Variants in BTG4 observed in about 807,000 individuals in gnomAD.
The protein encoded by BTG4 is BTG anti-proliferation factor 4, also known as protein BTG4.
BTG4 carries 10 observed loss-of-function variants against 19.3 expected under a neutral mutation model. The ratio of observed to expected loss-of-function variants is 0.52; its 90% CI spans 0.32 to 0.88. The LOEUF (loss-of-function observed/expected upper bound fraction) is 0.88, where lower values mean the gene tolerates loss of function less well. BTG4 is among the 40% of genes least tolerant of loss of function. The pLI, the probability that BTG4 is intolerant of heterozygous loss-of-function variation, is 0.04. For synonymous variants in BTG4, 91 were observed against 95.7 expected, an observed-to-expected ratio of 0.95 and a Z score of 0.29; for missense variants, 238 against 281.9, an observed-to-expected ratio of 0.84 and a Z score of 1.11.
At chr11:111,477,806 G>T (rs912666966) in intron 5 of BTG4, among the ~76,000 whole-genome samples, 1 of 152,008 alleles carries the variant, frequency 6.6e-6, no homozygotes, top group Non-Finnish European at 1.5e-5. Context: ...AAGGGACAGC[G>T]CAGCAAAAAA....
intron 2 of BTG4, 95 bp downstream of exon 2, chr11:111,498,509 C>T: frequency 8.8e-7 from 1 of 1,141,626 alleles, no homozygotes; most frequent in Non-Finnish European, 1.3e-6. Context: ...ACTTTTGTTA[C>T]TTATATGCAG....
chr11:111,418,825 C>T, the BTG4 span, among the ~76,000 whole-genome samples: 7 of 152,194 alleles, frequency 4.6e-5, no homozygotes, highest in Admixed American at 1.3e-4. Flanking sequence ...CTCTCTGCCA[C>T]GTCTGCAGGA....
the BTG4 span, among the ~76,000 whole-genome samples, chr11:111,389,437 C>T: frequency 6.6e-6 from 1 of 152,192 alleles, no homozygotes; most frequent in Non-Finnish European, 1.5e-5. Context: ...CTACCTGAGG[C>T]ATTTGTTGGC....
chr11:111,497,524 T>C, intron 3 of BTG4, 115 bp from the exon 4 acceptor site: 1 of 625,780 alleles, frequency 1.6e-6, no homozygotes, highest in Non-Finnish European at 2.4e-6. Flanking sequence ...CTTAAAAAAT[T>C]GAAGGACATT....
At chr11:111,443,999 G>A in the BTG4 span, among the ~76,000 whole-genome samples, 3 of 152,224 alleles carry the variant, frequency 2.0e-5, no homozygotes, top group African/African-American at 7.2e-5. Flanking sequence ...AACGATGCCT[G>A]CTTTGCAGGA....
the BTG4 span, among the ~76,000 whole-genome samples, chr11:111,408,557 A>G: frequency 1.4e-4 from 21 of 152,300 alleles, no homozygotes; most frequent in South Asian, 6.2e-4. Flanking sequence ...CAAACAGGGG[A>G]CCAGGTGTAC....
At chr11:111,398,429 C>T in the BTG4 span, among the ~76,000 whole-genome samples, 11 of 152,128 alleles carry the variant, frequency 7.2e-5, no homozygotes, top group Non-Finnish European at 1.5e-4. Context: ...CAGGAGGTCT[C>T]GTTCAGGCTG....
the BTG4 span, among the ~76,000 whole-genome samples, chr11:111,423,693 T>C: frequency 6.6e-6 from 1 of 152,164 alleles, no homozygotes; most frequent in African/African-American, 2.4e-5. Flanking sequence ...ATGACATTCA[T>C]TTAATACACA....
the BTG4 span, chr11:111,449,641 A>C: frequency 6.6e-6 from 1 of 152,356 alleles, no homozygotes; most frequent in Admixed American, 6.5e-5. Flanking sequence ...GGCAGTTCCT[A>C]GAAGCAGCTG....
chr11:111,456,631 C>G, the BTG4 span: 2 of 435,606 alleles, frequency 4.6e-6, no homozygotes, highest in Admixed American at 4.8e-5. The surrounding 1 kb of genome is among the most constrained non-coding windows in gnomAD (Gnocchi z 4.2). Flanking sequence ...CTCCATACCC[C>G]CTGGCTACTT....
At chr11:111,478,134 C>A (rs568936171) in intron 5 of BTG4, among the ~76,000 whole-genome samples, 1 of 152,236 alleles carries the variant, frequency 6.6e-6, no homozygotes, top group South Asian at 2.1e-4. Context: ...CACCTCCCTG[C>A]TGTAGTGGAA....
chr11:111,418,950 C>T, the BTG4 span, among the ~76,000 whole-genome samples: 4 of 152,208 alleles, frequency 2.6e-5, no homozygotes, highest in East Asian at 1.9e-4. Context: ...AAGGTGTCAG[C>T]GGGGTTGTTT....
At chr11:111,418,867 A>G in the BTG4 span, among the ~76,000 whole-genome samples, 2 of 152,234 alleles carry the variant, frequency 1.3e-5, no homozygotes, top group East Asian at 3.8e-4. Flanking sequence ...CTGCCAAAAC[A>G]AAGTACTGAC....
the BTG4 span, among the ~76,000 whole-genome samples, chr11:111,392,194 T>TTC: frequency 1.5e-4 from 22 of 145,178 alleles, 1 homozygote; most frequent in African/African-American, 5.7e-4. Context: ...TTTTTTTTTT[T>TTC]TGAGACGGAG....
rs796552178 is a variant in BTG4 at position 111,500,136 on chromosome 11, C to T, written c.-26-1334G>A. Among the ~76,000 whole-genome samples the T allele has an allele frequency of 1.3e-4, 19 of 150,512 alleles. No homozygotes were observed. The South Asian group carries it at 3.4e-3, about 27-fold the overall frequency. ...CAGACTGGGTGACAGAGCAAGACTC[C>T]GTCTCAAAAAATAAAAATAAAAATA... is the stretch of plus-strand genomic sequence containing the variant. On this transcript the variant is annotated intron_variant, in intron 1 of 4. Coordinates refer to ENST00000692032, the MANE Select transcript of BTG4 (RefSeq NM_001367975.1).
the BTG4 span, among the ~76,000 whole-genome samples, chr11:111,409,995 G>A: frequency 5.1e-3 from 781 of 152,272 alleles, 4 homozygotes; most frequent in African/African-American, 0.018. Context: ...TTAGGTGCAC[G>A]GAAATGATGG....
the BTG4 span, among the ~76,000 whole-genome samples, chr11:111,392,150 T>A: frequency 6.8e-6 from 1 of 147,062 alleles, no homozygotes; most frequent in African/African-American, 2.5e-5. Flanking sequence ...GCCTCCAGCT[T>A]CCCTTTTCCT....
the BTG4 span, among the ~76,000 whole-genome samples, chr11:111,388,440 A>G: frequency 6.6e-6 from 1 of 151,356 alleles, no homozygotes; most frequent in Admixed American, 6.6e-5. Flanking sequence ...CTCCTTTTCT[A>G]TCTATCCCCT....
chr11:111,413,570 C>G, the BTG4 span, among the ~76,000 whole-genome samples: 1 of 152,250 alleles, frequency 6.6e-6, no homozygotes, highest in African/African-American at 2.4e-5. Flanking sequence ...TTGAGGCTTA[C>G]AGTCATACCT....
Sources: gnomAD v4.1 joint callset for allele counts (sites outside exome capture counted in the v4.1 genomes callset) on GRCh38, gnomAD v4.1.1 for gene constraint, Gnocchi (gnomAD v3.1) non-coding constraint, MANE v1.5 for transcripts, NCBI Gene and HGNC (gene_info 2026-07-23, HGNC 2026-07-21) for gene names.